SLC36A1: variants seen among roughly 807,000 people sequenced by gnomAD.
The protein encoded by SLC36A1 is proton-coupled amino acid transporter 1.
In SLC36A1, 30 loss-of-function variants were observed where a neutral mutation model predicts 47.5. The ratio of observed to expected loss-of-function variants is 0.63; its 90% CI spans 0.47 to 0.86. SLC36A1 has a LOEUF of 0.86. SLC36A1 is among the 40% of genes least tolerant of loss of function. SLC36A1 has a pLI of 0.00. For synonymous variants in SLC36A1, 255 were observed against 249.7 expected, an observed-to-expected ratio of 1.02 and a Z score of -0.20; for missense variants, 517 against 606.0, an observed-to-expected ratio of 0.85 and a Z score of 1.54.
At chr5:151,542,093 G>T in the SLC36A1 span, among the ~76,000 whole-genome samples, 1 of 152,234 alleles carries the variant, frequency 6.6e-6, no homozygotes, top group South Asian at 2.1e-4. Context: ...TTACCAGCAT[G>T]CCTGTGAGGT....
At chr5:151,537,951 A>G in the SLC36A1 span, 1 of 1,613,434 alleles carries the variant, frequency 6.2e-7, no homozygotes, top group Non-Finnish European at 8.5e-7. Flanking sequence ...GAGAAGCTAG[A>G]GATGGAAAGA....
At chr5:151,512,440 A>G in the SLC36A1 span, 1 of 1,614,156 alleles carries the variant, frequency 6.2e-7, no homozygotes, top group African/African-American at 1.3e-5. This position sits in a 1 kb window ranked among gnomAD's most constrained non-coding sequence, Gnocchi z 4.1. Context: ...CTCTGGGACC[A>G]CAAGGGAGGT....
At chr5:151,485,577 A>G (rs1025916610) in intron 10 of SLC36A1, among the ~76,000 whole-genome samples, 1 of 152,122 alleles carries the variant, frequency 6.6e-6, no homozygotes, top group Non-Finnish European at 1.5e-5. Flanking sequence ...TTCCTTGCCC[A>G]TCAGGTCTGT....
At chr5:151,379,823 C>T in the SLC36A1 span, among the ~76,000 whole-genome samples, 4 of 152,208 alleles carry the variant, frequency 2.6e-5, no homozygotes, top group African/African-American at 7.2e-5. Context: ...ACTTATGGCA[C>T]GTCTCAATTC....
chr5:151,374,132 C>T, the SLC36A1 span, among the ~76,000 whole-genome samples: 1 of 152,126 alleles, frequency 6.6e-6, no homozygotes, highest in Non-Finnish European at 1.5e-5. Flanking sequence ...GGCTGGAGGA[C>T]ACCTACCCTG....
chr5:151,512,053 A>G, the SLC36A1 span: 2 of 950,110 alleles, frequency 2.1e-6, no homozygotes, highest in East Asian at 5.2e-5. This position sits in a 1 kb window ranked among gnomAD's most constrained non-coding sequence, Gnocchi z 4.1. Flanking sequence ...TTAGGGGAAG[A>G]GAGAGAAATT....
chr5:151,465,135 T>C lies in SLC36A1; in HGVS notation c.385T>C (p.Cys129Arg), dbSNP rs772211010. The change falls in exon 5 of 11, where the codon TGC becomes CGC. Residue 129 changes from cysteine (C) to arginine (R), a missense_variant. Cys to Arg is a radical substitution (Grantham distance 180). Transcript: ENST00000243389. ...GATGTATGGACTAGAATCCAGCCCC[T>C]GCTCCTGGCTCCGGAACCACGCACA... ...TVMYGLESSP[C>R]SWLRNHAHWG... 3 of 1,614,156 alleles carry C rather than the reference T, an allele frequency of 1.9e-6. No homozygotes were observed. Among genetic ancestry groups the C allele is most frequent in the South Asian group, 2.2e-5 (2 of 91,054 alleles).
chr5:151,525,627 C>G, the SLC36A1 span: 1 of 855,306 alleles, frequency 1.2e-6, no homozygotes, highest in South Asian at 1.6e-5. Context: ...GGCTTTAGTC[C>G]TGAGAAGGAC....
At chr5:151,554,535 C>A in the SLC36A1 span, 1 of 1,614,230 alleles carries the variant, frequency 6.2e-7, no homozygotes, top group South Asian at 1.1e-5. Context: ...CCAGGGGACA[C>A]AGGGCTCAGC....
the SLC36A1 span, chr5:151,538,074 G>T: frequency 1.4e-6 from 1 of 698,086 alleles, no homozygotes; most frequent in Non-Finnish European, 2.3e-6. Context: ...GACGAAGAGA[G>T]ACAGAAAAAA....
At chr5:151,393,496 A>C in the SLC36A1 span, among the ~76,000 whole-genome samples, 5 of 152,128 alleles carry the variant, frequency 3.3e-5, no homozygotes, top group East Asian at 1.9e-4. Flanking sequence ...TCTTCGTAGC[A>C]TCAATGGTCT....
At chr5:151,483,144 A>G (rs1759036687) in intron 10 of SLC36A1, among the ~76,000 whole-genome samples, 1 of 152,256 alleles carries the variant, frequency 6.6e-6, no homozygotes, top group African/African-American at 2.4e-5. Context: ...CACAGGAGCC[A>G]TAAATGGCCA....
the SLC36A1 span, among the ~76,000 whole-genome samples, chr5:151,405,468 C>T: frequency 1.3e-5 from 2 of 150,942 alleles, no homozygotes; most frequent in Non-Finnish European, 2.9e-5. Flanking sequence ...CCTGCCTTGG[C>T]CTCCCAAAGT....
chr5:151,432,582 T>C (rs990642855), upstream of SLC36A1, among the ~76,000 whole-genome samples: 1 of 152,170 alleles, frequency 6.6e-6, no homozygotes, highest in Non-Finnish European at 1.5e-5. Flanking sequence ...GGTAATGCTG[T>C]GAAGGGGATT....
chr5:151,522,060 G>A, the SLC36A1 span: 1 of 1,597,418 alleles, frequency 6.3e-7, no homozygotes. Context: ...TCAAAGACGA[G>A]AGGGGAGGGA....
the SLC36A1 span, chr5:151,544,124 G>A: frequency 6.2e-7 from 1 of 1,614,186 alleles, no homozygotes; most frequent in Non-Finnish European, 8.5e-7. Context: ...TCCAGTTCTT[G>A]AACTGTGGAC....
the SLC36A1 span, chr5:151,534,424 G>T: frequency 6.2e-7 from 1 of 1,607,470 alleles, no homozygotes; most frequent in Non-Finnish European, 8.5e-7. Flanking sequence ...TCGGGATCCC[G>T]GGCAAATACT....
upstream of SLC36A1, among the ~76,000 whole-genome samples, chr5:151,442,891 T>A (rs76041983): frequency 6.6e-6 from 1 of 152,186 alleles, no homozygotes; most frequent in South Asian, 2.1e-4. Context: ...AATGAGAGCA[T>A]GCAATATTTT....
At chr5:151,538,689 C>CT in the SLC36A1 span, among the ~76,000 whole-genome samples, 3 of 152,064 alleles carry the variant, frequency 2.0e-5, no homozygotes, top group African/African-American at 7.2e-5. Context: ...CTTGTTTTCT[C>CT]TTTTTTGAGA....
Sources: allele counts gnomAD v4.1 joint callset (sites outside exome capture counted in the v4.1 genomes callset), GRCh38; gene constraint gnomAD v4.1.1; non-coding constraint Gnocchi (gnomAD v3.1); transcripts MANE v1.5; gene names NCBI Gene and HGNC (gene_info 2026-07-23, HGNC 2026-07-21).